The following FAF1 variants were observed in gnomAD, a reference collection of about 807,000 sequenced individuals.
FAF1 encodes Fas associated factor 1.
In FAF1, 25 loss-of-function variants were observed where a neutral mutation model predicts 92.5. The observed-to-expected ratio is 0.27, with a 90% CI of 0.20 to 0.38. The LOEUF (loss-of-function observed/expected upper bound fraction) is 0.38, where lower values mean the gene tolerates loss of function less well. Among genes scored for constraint, FAF1 ranks in the 10% least tolerant of loss-of-function variants. The probability of loss-of-function intolerance (pLI) is 1.00; values close to 1 mark genes in which losing one functional copy is unlikely to be tolerated. For synonymous variants in FAF1, 234 were observed against 273.2 expected, an observed-to-expected ratio of 0.86 and a Z score of 1.42; for missense variants, 636 against 793.3, an observed-to-expected ratio of 0.80 and a Z score of 2.38.
intron 15 of FAF1, among the ~76,000 whole-genome samples, chr1:50,513,294 AGAT>A (rs1557976357): frequency 2.6e-5 from 4 of 152,196 alleles, no homozygotes. Context: ...AGCCTGGACA[AGAT>A]GGAGAAACCC....
At chr1:50,515,554 A>C (rs1008171828) in intron 15 of FAF1, among the ~76,000 whole-genome samples, 1 of 152,168 alleles carries the variant, frequency 6.6e-6, no homozygotes, top group Non-Finnish European at 1.5e-5. Flanking sequence ...CAGCAAACAA[A>C]ATAACAGAAA....
At chr1:50,595,062 AT>A (rs797003930) in intron 9 of FAF1, among the ~76,000 whole-genome samples, 5 of 148,642 alleles carry the variant, frequency 3.4e-5, no homozygotes, top group East Asian at 2.0e-4. Context: ...TTTTATTTTT[AT>A]TTTTTTTTGA....
chr1:50,781,312 A>C (rs1661169553), intron 4 of FAF1, among the ~76,000 whole-genome samples: 1 of 152,218 alleles, frequency 6.6e-6, no homozygotes, highest in Non-Finnish European at 1.5e-5. Context: ...AAGAAAAAAA[A>C]AAAGATACTC....
intron 7 of FAF1, among the ~76,000 whole-genome samples, chr1:50,703,818 C>T (rs1260005697): frequency 1.3e-5 from 2 of 152,094 alleles, no homozygotes; most frequent in African/African-American, 4.8e-5. Context: ...GGCACATTTA[C>T]AGAATTTTAA....
In FAF1 at chr1:50,717,628, A is replaced by T. The variant is rs372802490; in HGVS notation, c.552-11737T>A. On this transcript the variant is annotated intron_variant, in intron 6 of 18. Transcript: ENST00000396153. The stretch of plus-strand genomic sequence containing the variant: ...CTTCTAATGTACAAATCCAAATTGA[A>T]ATCTCACTCACTAAAATCCCTTTTC... Among the ~76,000 whole-genome samples the T allele has an allele frequency of 8.5e-5, 13 of 152,336 alleles. No homozygotes were observed. In the East Asian group the frequency reaches 2.5e-3, roughly 29 times the overall value.
In FAF1 at chr1:50,768,283, C is replaced by T. The variant is rs555772666; in HGVS notation, c.367+19717G>A. Among the ~76,000 whole-genome samples, 6 of 151,384 alleles carry T rather than the reference C, an allele frequency of 4.0e-5. No homozygotes were observed. The South Asian group carries it at 1.0e-3, about 26-fold the overall frequency. ...TATATGCACCAAACATAAAAGCACC[C>T]GGATTCATATAGCAAGTTCTTAGAG... is the stretch of plus-strand genomic sequence containing the variant. On this transcript the variant is annotated intron_variant, in intron 4 of 18. Coordinates refer to ENST00000396153, the MANE Select transcript of FAF1 (RefSeq NM_007051.3).
intron 6 of FAF1, among the ~76,000 whole-genome samples, chr1:50,707,202 C>CAAAAAAAAAAAAAAA (rs397862445): frequency 9.4e-6 from 1 of 106,902 alleles, no homozygotes; most frequent in African/African-American, 3.3e-5. Flanking sequence ...GACTCTGTGT[C>CAAAAAAAAAAAAAAA]AAAAAAAAAA....
chr1:50,643,677 C>T (rs1031726223), intron 8 of FAF1, among the ~76,000 whole-genome samples: 2 of 152,228 alleles, frequency 1.3e-5, no homozygotes, highest in Non-Finnish European at 2.9e-5. Context: ...ACAGCAACCT[C>T]CGCCTCCCAG....
At chr1:50,527,892 A>C (rs2149033696) in intron 15 of FAF1, among the ~76,000 whole-genome samples, 1 of 90,174 alleles carries the variant, frequency 1.1e-5, no homozygotes, top group Middle Eastern at 0.015. Context: ...TCTCTCTCTG[A>C]GACAGGGTCT....
At chr1:50,782,524 T>C (rs1381528694) in intron 4 of FAF1, among the ~76,000 whole-genome samples, 1 of 152,062 alleles carries the variant, frequency 6.6e-6, no homozygotes, top group East Asian at 1.9e-4. Context: ...CAAGGTGTTA[T>C]AAAAATGTCA....
At chr1:50,642,423 G>T (rs531328113) in intron 8 of FAF1, among the ~76,000 whole-genome samples, 17 of 152,006 alleles carry the variant, frequency 1.1e-4, no homozygotes, top group Non-Finnish European at 2.4e-4. Context: ...GGCCGACGCG[G>T]GGGGATCACA....
intron 15 of FAF1, among the ~76,000 whole-genome samples, chr1:50,508,194 A>T (rs920583960): frequency 3.3e-5 from 5 of 152,224 alleles, no homozygotes; most frequent in Admixed American, 3.3e-4. Flanking sequence ...AAAAAGTTAA[A>T]CATAGAATTA....
At chr1:50,445,043 C>T (rs1161869184) in intron 18 of FAF1, among the ~76,000 whole-genome samples, 1 of 152,106 alleles carries the variant, frequency 6.6e-6, no homozygotes, top group African/African-American at 2.4e-5. Flanking sequence ...ATAGTCCAAG[C>T]ACTTTAATAT....
chr1:50,774,158 A>C lies in FAF1; in HGVS notation c.367+13842T>G, dbSNP rs1256165545. 2.6e-5 allele frequency among the ~76,000 whole-genome samples: 4 copies of C among 152,172 alleles called. No homozygotes were observed. The East Asian group carries it at 7.7e-4, about 29-fold the overall frequency. ...AGACTAAACAATACTACTAACACAC[A>C]ACATTTGCTGTCTTTCTTCCCCCAA... On this transcript the variant is annotated intron_variant, in intron 4 of 18. Transcript: ENST00000396153.
intron 18 of FAF1, among the ~76,000 whole-genome samples, chr1:50,473,131 G>T (rs944900232): frequency 1.3e-5 from 2 of 152,032 alleles, no homozygotes; most frequent in African/African-American, 2.4e-5. Flanking sequence ...GCAACCACAG[G>T]GAGATAGTAG....
intron 7 of FAF1, among the ~76,000 whole-genome samples, chr1:50,677,895 CAAAAAAAAA>C (rs1036524797): frequency 1.6e-5 from 1 of 62,544 alleles, no homozygotes; most frequent in African/African-American, 5.8e-5. Flanking sequence ...AACTCTGCCT[CAAAAAAAAA>C]AAAAAAAAAA....
At chr1:50,828,077 C>T (rs1644118760) in intron 2 of FAF1, among the ~76,000 whole-genome samples, 1 of 150,300 alleles carries the variant, frequency 6.7e-6, no homozygotes, top group Non-Finnish European at 1.5e-5. Flanking sequence ...AGTTCAAAGA[C>T]CTACACTACC....
At chr1:50,603,815 C>T (rs1199602950) in intron 8 of FAF1, among the ~76,000 whole-genome samples, 2 of 152,122 alleles carry the variant, frequency 1.3e-5, no homozygotes, top group Non-Finnish European at 2.9e-5. Context: ...TAAAAAAGCA[C>T]ACTGTTAAAA....
chr1:50,603,532 C>T (rs187400540), intron 8 of FAF1, among the ~76,000 whole-genome samples: 1 of 152,098 alleles, frequency 6.6e-6, no homozygotes, highest in African/African-American at 2.4e-5. Flanking sequence ...AGTTTTAAAC[C>T]GAACTGAGTC....
Sources: allele counts gnomAD v4.1 joint callset (sites outside exome capture counted in the v4.1 genomes callset), GRCh38; gene constraint gnomAD v4.1.1; transcripts MANE v1.5; gene names NCBI Gene and HGNC (gene_info 2026-07-23, HGNC 2026-07-21).